Variants in CALN1 observed in about 807,000 individuals in gnomAD.
CALN1 encodes the protein calcium-binding protein 8.
CALN1 carries 17 observed loss-of-function variants against 30.6 expected under a neutral mutation model. That is an observed-to-expected ratio of 0.56 (90% CI 0.38 to 0.83). The LOEUF is 0.83. CALN1 is among the 40% of genes least tolerant of loss of function. CALN1 has a pLI of 0.00. For missense variants in CALN1, 291 were observed against 354.9 expected (o/e 0.82, Z 1.45); for synonymous variants, 156 against 131.4 (o/e 1.19, Z -1.28).
At chr7:72,289,306 C>G (rs966108482) in intron 2 of CALN1, among the ~76,000 whole-genome samples, 1 of 152,168 alleles carries the variant, frequency 6.6e-6, no homozygotes. Context: ...TTGACTGGTT[C>G]ACCCAAAAGC....
intron 4 of CALN1, among the ~76,000 whole-genome samples, chr7:72,055,629 A>G (rs568107946): frequency 6.6e-6 from 1 of 152,332 alleles, no homozygotes; most frequent in Admixed American, 6.5e-5. Context: ...GGAGATAAAA[A>G]TTATGAAATA....
intron 3 of CALN1, among the ~76,000 whole-genome samples, chr7:72,189,624 T>C (rs1189615547): frequency 6.6e-6 from 1 of 151,918 alleles, no homozygotes; most frequent in Non-Finnish European, 1.5e-5. Context: ...GACATAAAAA[T>C]TAGCATGGTG....
In CALN1 at chr7:72,251,107, T is replaced by C. The variant is rs145286117; in HGVS notation, c.244+27579A>G. ...CAGAAAACTTCCAAGATCCCCCAGC[T>C]ACCTCCCTACTACAGTCCCATCTTT... On this transcript the variant is annotated intron_variant, in intron 3 of 6. Coordinates refer to ENST00000395275, the MANE Select transcript of CALN1 (RefSeq NM_031468.4). Among the ~76,000 whole-genome samples, 215 of 152,202 alleles carry C rather than the reference T, an allele frequency of 1.4e-3. 1 individual carries two copies. Among genetic ancestry groups the C allele is most frequent in the African/African-American group, 4.5e-3 (185 of 41,546 alleles).
chr7:71,853,672 C>A (rs1489922693), intron 5 of CALN1, among the ~76,000 whole-genome samples: 2 of 152,040 alleles, frequency 1.3e-5, no homozygotes, highest in African/African-American at 4.8e-5. Context: ...CTCTGCCTCC[C>A]AGGCTCAAGC....
chr7:72,041,664 G>T (rs549340833), intron 4 of CALN1, among the ~76,000 whole-genome samples: 20 of 152,268 alleles, frequency 1.3e-4, no homozygotes, highest in African/African-American at 4.6e-4. Context: ...GATTACAGGT[G>T]TGAGCCACCA....
intron 3 of CALN1, among the ~76,000 whole-genome samples, chr7:72,193,633 A>G (rs575279927): frequency 6.6e-6 from 1 of 152,334 alleles, no homozygotes; most frequent in East Asian, 1.9e-4. Flanking sequence ...AACCTGTTCA[A>G]CATGCTACTG....
At chr7:72,400,971 C>CT (rs1490652649) in intron 2 of CALN1, among the ~76,000 whole-genome samples, 3 of 152,156 alleles carry the variant, frequency 2.0e-5, no homozygotes, top group Non-Finnish European at 2.9e-5. Flanking sequence ...CCTGCCCTGC[C>CT]CACACTGTGC....
intron 3 of CALN1, among the ~76,000 whole-genome samples, chr7:72,124,583 T>C (rs1178817649): frequency 6.6e-6 from 1 of 152,006 alleles, no homozygotes; most frequent in African/African-American, 2.4e-5. Flanking sequence ...GCCCAGAAGT[T>C]TGAGGCTGCA....
chr7:72,080,568 G>A (rs533657245), intron 4 of CALN1, among the ~76,000 whole-genome samples: 1 of 152,254 alleles, frequency 6.6e-6, no homozygotes, highest in African/African-American at 2.4e-5. Context: ...GGTGTAGAGG[G>A]TAGAAGCAGG....
intron 3 of CALN1, among the ~76,000 whole-genome samples, chr7:72,173,234 A>G (rs888271497): frequency 6.6e-5 from 10 of 152,298 alleles, no homozygotes; most frequent in African/African-American, 1.4e-4. Context: ...AATAAAGTAC[A>G]TATGAATAAA....
intron 5 of CALN1, among the ~76,000 whole-genome samples, chr7:71,888,216 C>T (rs751011393): frequency 1.3e-5 from 2 of 151,946 alleles, no homozygotes; most frequent in Non-Finnish European, 2.9e-5. Context: ...TGAGAAAGAA[C>T]AGTCAAACAA....
intron 2 of CALN1, among the ~76,000 whole-genome samples, chr7:72,351,408 T>A (rs138939944): frequency 1.2e-4 from 18 of 152,296 alleles, no homozygotes; most frequent in African/African-American, 4.3e-4. Context: ...GTCCTGGGAA[T>A]GGAAAATATG....
At chr7:72,151,600 AT>A (rs1394314591) in intron 3 of CALN1, among the ~76,000 whole-genome samples, 2 of 152,088 alleles carry the variant, frequency 1.3e-5, no homozygotes, top group African/African-American at 4.8e-5. Context: ...ACCCTTTCCA[AT>A]GCGCTACCTT....
intron 3 of CALN1, among the ~76,000 whole-genome samples, chr7:72,215,370 G>C (rs1390767740): frequency 6.6e-6 from 1 of 152,118 alleles, no homozygotes; most frequent in Non-Finnish European, 1.5e-5. Context: ...GAGGTGGGCA[G>C]ATCACCTGAG....
At chr7:71,831,871 CAAAAAA>C (rs751078568) in intron 5 of CALN1, among the ~76,000 whole-genome samples, 2 of 20,880 alleles carry the variant, frequency 9.6e-5, no homozygotes, top group East Asian at 2.5e-3. Context: ...AACCCTGCCT[CAAAAAA>C]AAAAAAAAAA....
At chr7:72,266,013 G>A (rs749493355) in intron 3 of CALN1, among the ~76,000 whole-genome samples, 5 of 151,912 alleles carry the variant, frequency 3.3e-5, no homozygotes, top group Admixed American at 1.3e-4. Flanking sequence ...GTAATGGCAC[G>A]CACCTGTGCC....
chr7:72,387,941 G>A lies in CALN1; in HGVS notation c.119+15310C>T, dbSNP rs1471061583. Reference sequence around the variant, plus strand: ...TTGGTATAGTCACAGTGAGATGAGAGGAATAAGTTGTGTTCTATTGCACAG... The same window carrying A: ...TTGGTATAGTCACAGTGAGATGAGAAGAATAAGTTGTGTTCTATTGCACAG... On this transcript the variant is annotated intron_variant, in intron 2 of 6. Transcript: ENST00000395275. Among the ~76,000 whole-genome samples, 7 of 152,064 alleles carry A rather than the reference G, an allele frequency of 4.6e-5. No individual in the cohort carries two copies. The South Asian group carries it at 8.3e-4, about 18-fold the overall frequency.
chr7:72,390,806 T>A (rs1232037277), intron 2 of CALN1, among the ~76,000 whole-genome samples: 1 of 152,204 alleles, frequency 6.6e-6, no homozygotes, highest in Non-Finnish European at 1.5e-5. Flanking sequence ...ACATGTGTTA[T>A]TATATCAACA....
At chr7:72,453,988 C>CAAAA in the CALN1 span, among the ~76,000 whole-genome samples, 1 of 146,102 alleles carries the variant, frequency 6.8e-6, no homozygotes, top group African/African-American at 2.6e-5. Flanking sequence ...AATTCACAAC[C>CAAAA]AAAAAATATA....
Sources: gnomAD v4.1 joint callset for allele counts (sites outside exome capture counted in the v4.1 genomes callset) on GRCh38, gnomAD v4.1.1 for gene constraint, MANE v1.5 for transcripts, NCBI Gene and HGNC (gene_info 2026-07-23, HGNC 2026-07-21) for gene names.